TFAP2B: variants seen among roughly 807,000 people sequenced by gnomAD.
The protein encoded by TFAP2B is transcription factor AP-2-beta.
Under a neutral mutation model 44.3 loss-of-function variants are expected in TFAP2B, and 9 were observed. That is an observed-to-expected ratio of 0.20 (90% CI 0.12 to 0.35). TFAP2B has a LOEUF of 0.35. Among genes scored for constraint, TFAP2B ranks in the 10% least tolerant of loss-of-function variants. TFAP2B has a pLI of 1.00. For missense variants in TFAP2B, 509 were observed against 600.0 expected, an observed-to-expected ratio of 0.85 and a Z score of 1.59; for synonymous variants, 270 against 263.8, an observed-to-expected ratio of 1.02 and a Z score of -0.23.
intron 3 of TFAP2B, among the ~76,000 whole-genome samples, chr6:50,833,005 T>A (rs551919041): frequency 2.0e-5 from 3 of 152,226 alleles, no homozygotes; most frequent in Non-Finnish European, 4.4e-5. Context: ...GACACCCAAC[T>A]GGGAACTGAA....
At chr6:50,834,157 C>T (rs1323875780) in intron 3 of TFAP2B, among the ~76,000 whole-genome samples, 1 of 152,186 alleles carries the variant, frequency 6.6e-6, no homozygotes, top group East Asian at 1.9e-4. Flanking sequence ...CCACCAATCA[C>T]CTGTCTATTA....
At chr6:50,830,255 G>T (rs888126801) in intron 3 of TFAP2B, 1 of 975,738 alleles carries the variant, frequency 1.0e-6, no homozygotes, top group Non-Finnish European at 1.2e-6. Flanking sequence ...GCTGGCAGGG[G>T]AACATGCCCA....
At chr6:50,827,722 C>A (rs753379993) in intron 2 of TFAP2B, among the ~76,000 whole-genome samples, 1 of 152,220 alleles carries the variant, frequency 6.6e-6, no homozygotes. Context: ...GAAAGGGAAT[C>A]TACTGCTTTT....
At chr6:50,838,837 T>G (rs1762672314) in intron 5 of TFAP2B, among the ~76,000 whole-genome samples, 1 of 152,166 alleles carries the variant, frequency 6.6e-6, no homozygotes, top group Non-Finnish European at 1.5e-5. Flanking sequence ...TGAAATACAG[T>G]CAGATGGTCC....
chr6:50,818,855 G>T, upstream of TFAP2B: 1 of 1,592,274 alleles, frequency 6.3e-7, no homozygotes, highest in Non-Finnish European at 8.6e-7. Context: ...TACAGACAGC[G>T]GAGTCCTGAG....
intron 2 of TFAP2B, among the ~76,000 whole-genome samples, chr6:50,827,267 G>A (rs894917622): frequency 6.6e-6 from 1 of 152,116 alleles, no homozygotes; most frequent in Non-Finnish European, 1.5e-5. Flanking sequence ...TGTGTGGCAG[G>A]GTCCCCTGAG....
At chr6:50,834,033 CATA>C (rs1468869996) in intron 3 of TFAP2B, among the ~76,000 whole-genome samples, 1 of 152,146 alleles carries the variant, frequency 6.6e-6, no homozygotes, top group Non-Finnish European at 1.5e-5. Flanking sequence ...TCCAAGTTTT[CATA>C]ATGCCAACTC....
In TFAP2B at chr6:50,836,293, C is replaced by T. The variant is rs753351439; in HGVS notation, c.821+13C>T. On this transcript the variant is annotated intron_variant, in intron 4 of 6. Transcript: ENST00000393655. ...GAGTCCTCAGAAGGTAACCCCACCACGAAAAACAAAAACAAAAACAAAAAA... is the reference window on the plus strand; with the variant it reads ...GAGTCCTCAGAAGGTAACCCCACCATGAAAAACAAAAACAAAAACAAAAAA... The T allele has an allele frequency of 1.9e-5, 31 of 1,604,070 alleles. No homozygotes were observed. The Admixed American group carries it at 2.5e-4, about 13-fold the overall frequency.
At chr6:50,833,374 A>G (rs1257588378) in intron 3 of TFAP2B, among the ~76,000 whole-genome samples, 1 of 152,246 alleles carries the variant, frequency 6.6e-6, no homozygotes, top group Non-Finnish European at 1.5e-5. Context: ...GAAATGTGTC[A>G]GATCTGGTCT....
At chr6:50,829,662 G>T (rs1269752825) in intron 3 of TFAP2B, among the ~76,000 whole-genome samples, 1 of 152,202 alleles carries the variant, frequency 6.6e-6, no homozygotes, top group African/African-American at 2.4e-5. Flanking sequence ...AATCATTTAT[G>T]ATTCACTTGA....
At chr6:50,821,319 G>A (rs192303398) in intron 1 of TFAP2B, among the ~76,000 whole-genome samples, 9 of 152,184 alleles carry the variant, frequency 5.9e-5, no homozygotes, top group Admixed American at 2.6e-4. Flanking sequence ...TCCACATTTA[G>A]CAAAAGTCTG....
intron 1 of TFAP2B, among the ~76,000 whole-genome samples, chr6:50,819,903 G>T (rs1770285618): frequency 1.3e-5 from 2 of 151,958 alleles, no homozygotes; most frequent in South Asian, 4.1e-4. Context: ...GGCGCGGGGC[G>T]CGCGGCGGGC....
In TFAP2B at chr6:50,846,723, G is replaced by A. The variant is rs1762857329; in HGVS notation, c.*3331G>A. The A allele has an allele frequency of 6.6e-6, 1 of 152,244 alleles. No homozygotes were observed. The highest frequency in any genetic ancestry group is 1.5e-5 in the Non-Finnish European group (1 of 68,052). The allele number at this position is 152,244 out of a possible 1,614,324, so 9.4% of individuals were successfully genotyped here. A position where few individuals can be genotyped will look rare whatever the true frequency, so the allele number is the denominator to read the frequency against. ...GGGTGAGGATTCCGTCACCTAAAAA[G>A]ATCTTTAACTTCTCCCCCAAAGTGG... On this transcript the variant is annotated 3_prime_UTR_variant, in exon 7 of 7. Transcript: ENST00000393655.
chr6:50,845,771 T>G lies in TFAP2B; in HGVS notation c.*2379T>G, dbSNP rs1184556044. On this transcript the variant is annotated 3_prime_UTR_variant, in exon 7 of 7. Transcript: ENST00000393655. ...CGCCTTGCTCTTACTGTGCAGGTCC[T>G]GAGAGCGTGTGGGCCACAGGCGCCC... is the stretch of plus-strand genomic sequence containing the variant. 1.3e-5 allele frequency: 2 copies of G among 152,710 alleles called. No homozygotes were observed. Among genetic ancestry groups the G allele is most frequent in the Non-Finnish European group, 2.9e-5 (2 of 68,068 alleles). The allele number at this position is 152,710 out of a possible 1,614,324, so 9.5% of individuals were successfully genotyped here. A position where few individuals can be genotyped will look rare whatever the true frequency, so the allele number is the denominator to read the frequency against.
rs1561967846 is a variant in TFAP2B at position 50,843,527 on chromosome 6, T to TA, written c.*135_*136insA. ...GTAGAATACACATACAATCAAAATT[T>TA]TAAAAAAAAAAGCTAAATAACTTAA... On this transcript the variant is annotated 3_prime_UTR_variant, in exon 7 of 7. Transcript: ENST00000393655. The TA allele has an allele frequency of 9.5e-3, 7,746 of 818,300 alleles. 37 individuals carry two copies. Among genetic ancestry groups the TA allele is most frequent in the African/African-American group, 0.032 (1,701 of 53,680 alleles). The allele number at this position is 818,300 out of a possible 1,614,324, so 50.7% of individuals were successfully genotyped here. A position where few individuals can be genotyped will look rare whatever the true frequency, so the allele number is the denominator to read the frequency against.
At chr6:50,820,773 G>T (rs1714921588) in intron 1 of TFAP2B, among the ~76,000 whole-genome samples, 1 of 152,360 alleles carries the variant, frequency 6.6e-6, no homozygotes, top group East Asian at 1.9e-4. Context: ...GCATGCAGAG[G>T]CATTTCAGTG....
chr6:50,828,871 ACAT>A (rs1770597754), intron 3 of TFAP2B, among the ~76,000 whole-genome samples, 192 bp downstream of exon 3: 1 of 152,172 alleles, frequency 6.6e-6, no homozygotes, highest in Non-Finnish European at 1.5e-5. Context: ...GAGAATGAAA[ACAT>A]CAGACACAAA....
intron 2 of TFAP2B, among the ~76,000 whole-genome samples, chr6:50,825,027 G>A (rs935650568): frequency 1.3e-5 from 2 of 152,158 alleles, no homozygotes; most frequent in African/African-American, 4.8e-5. Flanking sequence ...TCATTCTTCT[G>A]TACCTTGCTG....
At chr6:50,842,096 A>C (rs1762744974) in intron 6 of TFAP2B, among the ~76,000 whole-genome samples, 1 of 152,072 alleles carries the variant, frequency 6.6e-6, no homozygotes, top group South Asian at 2.1e-4. Context: ...CTGTAGGTTT[A>C]TTTTTTTCCT....
Sources: gnomAD v4.1 joint callset for allele counts (sites outside exome capture counted in the v4.1 genomes callset) on GRCh38, gnomAD v4.1.1 for gene constraint, MANE v1.5 for transcripts, NCBI Gene and HGNC (gene_info 2026-07-23, HGNC 2026-07-21) for gene names.